The following BABAM2 variants were observed in gnomAD, a reference collection of about 807,000 sequenced individuals.
BABAM2 encodes the protein BRISC and BRCA1 A complex member 2.
Under a neutral mutation model 54.7 loss-of-function variants are expected in BABAM2, and 31 were observed. The observed-to-expected ratio is 0.57, with a 90% CI of 0.43 to 0.77. BABAM2 has a LOEUF of 0.77. BABAM2 is among the 30% of genes least tolerant of loss of function. The pLI is 0.00. For missense variants in BABAM2, 364 were observed against 455.8 expected, an observed-to-expected ratio of 0.80 and a Z score of 1.83; for synonymous variants, 167 against 162.9, an observed-to-expected ratio of 1.03 and a Z score of -0.19.
intron 10 of BABAM2, among the ~76,000 whole-genome samples, chr2:28,271,609 A>C (rs1407839651): frequency 6.6e-6 from 1 of 152,172 alleles, no homozygotes; most frequent in Non-Finnish European, 1.5e-5. Context: ...ATTAAACCAG[A>C]GGCAGTCTCA....
At chr2:28,236,192 T>C (rs1271077797) in intron 7 of BABAM2, among the ~76,000 whole-genome samples, 2 of 151,906 alleles carry the variant, frequency 1.3e-5, no homozygotes, top group Non-Finnish European at 2.9e-5. Context: ...AAAATGAAAT[T>C]AAGAAAAACA....
At chr2:27,927,716 A>G (rs6754675) in intron 2 of BABAM2, among the ~76,000 whole-genome samples, 4,376 of 152,244 alleles carry the variant, frequency 0.029, 222 homozygotes, top group African/African-American at 0.1. Context: ...ATTTGTTACC[A>G]TTCAATTACT....
intron 7 of BABAM2, among the ~76,000 whole-genome samples, chr2:28,183,739 T>TCTCTCACACACACACA (rs1553336494): frequency 2.7e-3 from 356 of 133,202 alleles, no homozygotes; most frequent in East Asian, 0.012. Flanking sequence ...TGGATGAAGA[T>TCTCTCACACACACACA]CACACACACA....
At chr2:28,196,367 T>C (rs1474757477) in intron 7 of BABAM2, among the ~76,000 whole-genome samples, 1 of 150,964 alleles carries the variant, frequency 6.6e-6, no homozygotes, top group Non-Finnish European at 1.5e-5. Flanking sequence ...TTAACATATG[T>C]GTGTATGTGT....
intron 4 of BABAM2, among the ~76,000 whole-genome samples, chr2:28,008,384 G>A (rs1359928227): frequency 6.6e-6 from 1 of 152,086 alleles, no homozygotes; most frequent in Admixed American, 6.6e-5. Flanking sequence ...CAGGGGCTAC[G>A]AACTCAAATG....
At chr2:28,166,438 TG>T (rs954305233) in intron 7 of BABAM2, among the ~76,000 whole-genome samples, 2 of 152,128 alleles carry the variant, frequency 1.3e-5, no homozygotes, top group Non-Finnish European at 2.9e-5. Flanking sequence ...GGACACATTT[TG>T]GGGGAGTAGG....
rs922909965 is a variant in BABAM2 at position 27,894,008 on chromosome 2, A to G, written c.-24-525A>G. Among the ~76,000 whole-genome samples, 8 of 151,992 alleles carry G rather than the reference A, an allele frequency of 5.3e-5. No homozygotes were observed. In the South Asian group the frequency reaches 1.0e-3, roughly 20 times the overall value. ...ACTCTGTCGCAAAAAAAAAAGAAAAAAAAAGAAAGATATATCAGCAGTAAA... is the reference window on the plus strand; with the variant it reads ...ACTCTGTCGCAAAAAAAAAAGAAAAGAAAAGAAAGATATATCAGCAGTAAA... On this transcript the variant is annotated intron_variant, in intron 1 of 11. Coordinates refer to ENST00000379624, the MANE Select transcript of BABAM2 (RefSeq NM_199191.3).
intron 7 of BABAM2, among the ~76,000 whole-genome samples, chr2:28,211,200 T>A (rs949206946): frequency 6.6e-6 from 1 of 152,174 alleles, no homozygotes; most frequent in Non-Finnish European, 1.5e-5. Flanking sequence ...TTGAAAACTC[T>A]AGACTCCAAG....
chr2:28,337,830 G>GA (rs1354567035), intron 11 of BABAM2, among the ~76,000 whole-genome samples: 1 of 152,016 alleles, frequency 6.6e-6, no homozygotes, highest in African/African-American at 2.4e-5. Flanking sequence ...GTGAAAAAAT[G>GA]AAAAAACAAT....
chr2:28,317,853 G>A (rs189760118), intron 11 of BABAM2, among the ~76,000 whole-genome samples: 6 of 152,296 alleles, frequency 3.9e-5, no homozygotes, highest in Admixed American at 1.3e-4. Flanking sequence ...GACGTTTTAA[G>A]ATTGTGCCTG....
chr2:28,310,297 AC>A, intron 11 of BABAM2: 2 of 733,860 alleles, frequency 2.7e-6, no homozygotes, highest in Non-Finnish European at 4.4e-6. Flanking sequence ...GCCTGTGCAG[AC>A]CAGGCTGCAC....
intron 10 of BABAM2, among the ~76,000 whole-genome samples, chr2:28,264,890 AC>A (rs1282593813): frequency 6.6e-6 from 1 of 152,220 alleles, no homozygotes; most frequent in Non-Finnish European, 1.5e-5. Flanking sequence ...CAGAAAACCA[AC>A]ACAATCTGAA....
intron 9 of BABAM2, among the ~76,000 whole-genome samples, chr2:28,243,239 A>G (rs1470580988): frequency 6.6e-6 from 1 of 152,186 alleles, no homozygotes; most frequent in Non-Finnish European, 1.5e-5. Context: ...GGCTAATTAT[A>G]AATTCATAGA....
At chr2:27,900,650 G>C (rs577385238) in intron 2 of BABAM2, among the ~76,000 whole-genome samples, 23 of 152,188 alleles carry the variant, frequency 1.5e-4, no homozygotes, top group South Asian at 8.3e-4. Flanking sequence ...GTTTGTTCTT[G>C]TGGTTTGGAA....
chr2:27,890,512 C>G (rs1573091519), upstream of BABAM2: 1 of 629,990 alleles, frequency 1.6e-6, no homozygotes, highest in East Asian at 2.8e-5. The surrounding 1 kb of genome is among the most constrained non-coding windows in gnomAD (Gnocchi z 4.8). Flanking sequence ...AGTGTCCCCT[C>G]TTCTTCCTGG....
intron 5 of BABAM2, among the ~76,000 whole-genome samples, chr2:28,032,746 G>A (rs1046464610): frequency 3.3e-5 from 5 of 152,044 alleles, no homozygotes; most frequent in Non-Finnish European, 7.4e-5. Flanking sequence ...TGTTAAGAAT[G>A]AAGAAGACTT....
rs1217808484 is a variant in BABAM2 at position 27,912,838 on chromosome 2, G to GTC, written c.129-16993_129-16992dup. On this transcript the variant is annotated intron_variant, in intron 2 of 11. Transcript: ENST00000379624. ...GAAATAGTGTTACAGGTTCTGAGCA[G>GTC]TCAGACAGATAACCTGATGATAAAT... Among the ~76,000 whole-genome samples the GTC allele has an allele frequency of 3.3e-5, 5 of 152,298 alleles. No individual in the cohort carries two copies. In the South Asian group the frequency reaches 8.3e-4, roughly 25 times the overall value.
intron 2 of BABAM2, among the ~76,000 whole-genome samples, chr2:27,917,268 A>T (rs1320014801): frequency 1.3e-5 from 2 of 152,100 alleles, no homozygotes; most frequent in Non-Finnish European, 2.9e-5. Context: ...TGCCCGCCTC[A>T]TCCTCCCAAA....
chr2:28,060,153 G>A (rs919067302), intron 6 of BABAM2, among the ~76,000 whole-genome samples: 4 of 152,128 alleles, frequency 2.6e-5, no homozygotes, highest in Non-Finnish European at 5.9e-5. Flanking sequence ...GATACATTAT[G>A]AATAAGTGGA....
Sources: gnomAD v4.1 joint callset for allele counts (sites outside exome capture counted in the v4.1 genomes callset) on GRCh38, gnomAD v4.1.1 for gene constraint, Gnocchi (gnomAD v3.1) non-coding constraint, MANE v1.5 for transcripts, NCBI Gene and HGNC (gene_info 2026-07-23, HGNC 2026-07-21) for gene names.